Variants in IQSEC3 observed in about 807,000 individuals in gnomAD.
IQSEC3 encodes IQ motif and Sec7 domain ArfGEF 3.
IQSEC3 carries 50 observed loss-of-function variants against 105.4 expected under a neutral mutation model. That is an observed-to-expected ratio of 0.47 (90% CI 0.38 to 0.60). The LOEUF (loss-of-function observed/expected upper bound fraction) is 0.60. Ranked by LOEUF, IQSEC3 falls within the 20% of genes least tolerant of loss-of-function variation. The pLI is 0.00. For missense variants in IQSEC3, 1,415 were observed against 1,630.0 expected, an observed-to-expected ratio of 0.87 and a Z score of 2.27; for synonymous variants, 708 against 746.0, an observed-to-expected ratio of 0.95 and a Z score of 0.83.
At chr12:94,458 G>A (rs1324492128) in intron 1 of IQSEC3, among the ~76,000 whole-genome samples, 4 of 152,238 alleles carry the variant, frequency 2.6e-5, no homozygotes, top group Non-Finnish European at 5.9e-5. Context: ...GCTAAACCCT[G>A]AAAGAAGACA....
At chr12:163,690 G>A (rs1867032622) in intron 9 of IQSEC3, 71 bp downstream of exon 9, 5 of 896,050 alleles carry the variant, frequency 5.6e-6, no homozygotes, top group East Asian at 5.0e-5. Flanking sequence ...CCTGGGCAGG[G>A]TCCCTGAAGT....
At chr12:111,388 C>T (rs1011090177) in intron 2 of IQSEC3, among the ~76,000 whole-genome samples, 13 of 152,282 alleles carry the variant, frequency 8.5e-5, no homozygotes, top group South Asian at 2.1e-4. Context: ...CCCTTCAAAC[C>T]TGCAGCATTC....
chr12:101,495 A>C (rs1864420983), intron 2 of IQSEC3, among the ~76,000 whole-genome samples: 1 of 151,740 alleles, frequency 6.6e-6, no homozygotes, highest in African/African-American at 2.4e-5. Context: ...TGCTCCGGGG[A>C]GGGAGTGTGG....
intron 7 of IQSEC3, among the ~76,000 whole-genome samples, chr12:158,282 C>CT (rs782234662): frequency 6.6e-6 from 1 of 152,150 alleles, no homozygotes; most frequent in Non-Finnish European, 1.5e-5. Context: ...GTCGCTGCCC[C>CT]TCTCACCACT....
rs150830366 is a variant in IQSEC3, at chr12:152,838, G to A, written c.2154-4187G>A. Among the ~76,000 whole-genome samples the A allele has an allele frequency of 1.3e-5, 2 of 152,160 alleles. No individual in the cohort carries two copies. Among genetic ancestry groups the A allele is most frequent in the Non-Finnish European group, 1.5e-5 (1 of 68,034 alleles). Reference sequence around the variant, plus strand: ...CTACGTGGCATTAGTTTTGTCTTCTGTAAAATGGGGAGATGATACACCAGA... The same window carrying A: ...CTACGTGGCATTAGTTTTGTCTTCTATAAAATGGGGAGATGATACACCAGA... On this transcript the variant is annotated intron_variant, in intron 5 of 13. Coordinates refer to ENST00000538872, the MANE Select transcript of IQSEC3 (RefSeq NM_001170738.2). This position sits in a 1 kb window ranked among gnomAD's most constrained non-coding sequence, Gnocchi z 4.8.
intron 2 of IQSEC3, among the ~76,000 whole-genome samples, chr12:112,036 A>G (rs1555079672): frequency 2.0e-5 from 3 of 152,124 alleles, no homozygotes; most frequent in African/African-American, 7.2e-5. Flanking sequence ...TATGGGTTAC[A>G]ATCTTCCCGG....
At chr12:81,177 T>C (rs1863733442) in intron 1 of IQSEC3, among the ~76,000 whole-genome samples, 1 of 152,192 alleles carries the variant, frequency 6.6e-6, no homozygotes, top group African/African-American at 2.4e-5. Context: ...GTAAGGGCCA[T>C]GTCAAACATC....
At chr12:72,117 C>T (rs1477490094) in intron 1 of IQSEC3, among the ~76,000 whole-genome samples, 1 of 152,276 alleles carries the variant, frequency 6.6e-6, no homozygotes, top group Non-Finnish European at 1.5e-5. Context: ...TTTCCTCACT[C>T]CCAATCTCTC....
intron 4 of IQSEC3, chr12:139,726 G>A (rs547517165): frequency 5.6e-5 from 10 of 180,150 alleles, no homozygotes. Flanking sequence ...AATCATTCGG[G>A]TGGATATGAA....
intron 12 of IQSEC3, among the ~76,000 whole-genome samples, chr12:170,573 G>A (rs118157961): frequency 0.05 from 7,661 of 152,320 alleles, 280 homozygotes; most frequent in Middle Eastern, 0.099. Flanking sequence ...TGAGCTGTCC[G>A]TGGGGGTCCG....
In IQSEC3 at chr12:157,757, C is replaced by G. The variant is rs529567851; in HGVS notation, c.2443+63C>G. The G allele has an allele frequency of 6.5e-6, 10 of 1,532,312 alleles. No individual in the cohort carries two copies. In the South Asian group the frequency reaches 1.1e-4, roughly 17 times the overall value. The allele number at this position is 1,532,312 out of a possible 1,614,324, so 94.9% of individuals were successfully genotyped here. A position where few individuals can be genotyped will look rare whatever the true frequency, so the allele number is the denominator to read the frequency against. ...ACGGCTCAGGCCCCATTCTGTGCACCGTGCATTCTGTGAGTCTGAGCCCCT... is the reference window on the plus strand; with the variant it reads ...ACGGCTCAGGCCCCATTCTGTGCACGGTGCATTCTGTGAGTCTGAGCCCCT... On this transcript the variant is annotated intron_variant, in intron 7 of 13. Transcript: ENST00000538872.
intron 5 of IQSEC3, among the ~76,000 whole-genome samples, chr12:150,061 G>A (rs1866443663): frequency 6.6e-6 from 1 of 152,230 alleles, no homozygotes; most frequent in Admixed American, 6.5e-5. Flanking sequence ...GCTGTTAACA[G>A]CCATGATGAG....
intron 9 of IQSEC3, chr12:164,542 C>T (rs1459926396): frequency 6.6e-6 from 1 of 152,310 alleles, no homozygotes; most frequent in Non-Finnish European, 1.5e-5. Context: ...TTCCTGGCCT[C>T]CTCCTTTTCA....
At chr12:162,910 G>A (rs145074304) in intron 8 of IQSEC3, among the ~76,000 whole-genome samples, 56 of 152,214 alleles carry the variant, frequency 3.7e-4, no homozygotes, top group Middle Eastern at 3.4e-3. Context: ...AGGGAAGCAG[G>A]TTGACAGTGG....
chr12:148,306 G>T (rs1866363869), intron 5 of IQSEC3: 1 of 152,298 alleles, frequency 6.6e-6, no homozygotes, highest in East Asian at 1.9e-4. Context: ...AGACTCTGCG[G>T]CTCGGGGCCC....
In IQSEC3 at chr12:139,106, G is replaced by A. The variant is rs782092195; in HGVS notation, c.1743G>A (p.Ala581=). ...AGGAAGAGGAGGAGGAGGAGACGGC[G>A]GAGGTGGGGAGAGGGGCCGAGGCCG... The part of the protein sequence containing the change: ...TEEEEEEEET[A]EVGRGAEAEA... The change falls in exon 4 of 14, where the codon GCG becomes GCA. Residue 581 remains alanine (A), a synonymous_variant. Transcript: ENST00000538872. 10 of 1,504,730 alleles carry A rather than the reference G, an allele frequency of 6.6e-6. No individual in the cohort carries two copies. The East Asian group carries it at 1.2e-4, about 18-fold the overall frequency. The allele number at this position is 1,504,730 out of a possible 1,614,324, so 93.2% of individuals were successfully genotyped here. A position where few individuals can be genotyped will look rare whatever the true frequency, so the allele number is the denominator to read the frequency against.
chr12:169,085 CA>C lies in IQSEC3; in HGVS notation c.3047del (p.Lys1016SerfsTer99). On this transcript the variant is annotated frameshift_variant, in exon 12 of 14. Transcript: ENST00000538872. LOFTEE classifies it high-confidence loss of function. ...TGCGGAGCCCAGGGGGACCCACAGT[CA>C]AAGCAAGGATCGCCGACAGGTGAGC... The part of the protein sequence containing the change: ...KPCGAQGDPQ[S>X]KQGSPTAKRE... 1 of 1,613,938 alleles carries C rather than the reference CA, an allele frequency of 6.2e-7. No individual in the cohort carries two copies. The highest frequency in any genetic ancestry group is 8.5e-7 in the Non-Finnish European group (1 of 1,179,984).
rs529888980 is a variant in IQSEC3, at chr12:174,653, G to A, written c.3169G>A (p.Glu1057Lys). 6.9e-5 allele frequency: 109 copies of A among 1,586,934 alleles called. No homozygotes were observed. The highest frequency in any genetic ancestry group is 4.7e-5 in the Non-Finnish European group (55 of 1,173,544). Residue 1057 changes from glutamate to lysine, a missense_variant, in exon 14 of 14, where the codon GAG (glutamate) becomes AAG (lysine). By Grantham distance (56) the Glu-to-Lys change is moderately conservative. This residue lies in a region of IQSEC3 where 419 missense variants were observed against 436.2 expected (regional missense o/e 0.96). Coordinates refer to ENST00000538872, the MANE Select transcript of IQSEC3 (RefSeq NM_001170738.2). ...TSQHNSGLGA[E>K]RGAPVPPPDL... ...CCAGCACAACTCCGGGCTGGGGGCC[G>A]AGAGGGGAGCGCCGGTGCCGCCGCC...
intron 4 of IQSEC3, 113 bp downstream of exon 4, chr12:139,467 C>T (rs1270984413): frequency 1.3e-5 from 10 of 792,360 alleles, no homozygotes; most frequent in Non-Finnish European, 2.0e-5. Context: ...CACGTCATGC[C>T]AGGGTCCTCC....
Sources: allele counts gnomAD v4.1 joint callset (sites outside exome capture counted in the v4.1 genomes callset), GRCh38; gene constraint gnomAD v4.1.1; regional missense constraint gnomAD v4.1.1; non-coding constraint Gnocchi (gnomAD v3.1); transcripts MANE v1.5; gene names NCBI Gene and HGNC (gene_info 2026-07-23, HGNC 2026-07-21).